C4orf33: variants seen among roughly 807,000 people sequenced by gnomAD.
C4orf33 encodes UPF0462 protein C4orf33.
C4orf33 carries 20 observed loss-of-function variants against 24.3 expected under a neutral mutation model. The observed-to-expected ratio is 0.82, with a 90% CI of 0.58 to 1.19. C4orf33 has a LOEUF of 1.19. Among genes scored for constraint, C4orf33 ranks in the 50% most tolerant of loss-of-function variants. C4orf33 has a pLI of 0.00. For synonymous variants in C4orf33, 67 were observed against 76.4 expected (o/e 0.88, Z 0.64); for missense variants, 207 against 225.9 (o/e 0.92, Z 0.54).
At chr4:129,101,872 A>G (rs1753361497) in intron 1 of C4orf33, among the ~76,000 whole-genome samples, 2 of 152,170 alleles carry the variant, frequency 1.3e-5, no homozygotes, top group Non-Finnish European at 2.9e-5. Flanking sequence ...GTAATTAACC[A>G]AGCAAGCAGT....
chr4:129,116,357 GGGTGTTC>G lies in C4orf33; in HGVS notation c.*4567_*4573del, dbSNP rs892295699. 1 of 152,090 alleles carries G rather than the reference GGGTGTTC, an allele frequency of 6.6e-6. No individual in the cohort carries two copies. The highest frequency in any genetic ancestry group is 1.5e-5 in the Non-Finnish European group (1 of 68,012). 9.4% of individuals were successfully genotyped at this position (152,090 alleles called of 1,614,324 possible). ...CATCACTGGCTCCTGAGAGAGCTTT[GGGTGTTC>G]TGTAAATTTTTTACTTTGCACTCTT... On this transcript the variant is annotated 3_prime_UTR_variant, in exon 6 of 6. Coordinates refer to ENST00000425929, the MANE Select transcript of C4orf33 (RefSeq NM_001099783.2).
chr4:129,109,511 G>A lies in C4orf33; in HGVS notation c.333G>A (p.Glu111=). 1 of 1,613,860 alleles carries A rather than the reference G, an allele frequency of 6.2e-7. No homozygotes were observed. Among genetic ancestry groups the A allele is most frequent in the Non-Finnish European group, 8.5e-7 (1 of 1,179,786 alleles). Residue 111 remains glutamate (E), a synonymous_variant, in exon 5 of 6, where the codon GAG becomes GAA. Transcript: ENST00000425929. ...TATCGTTCAGAATGTCCAGAGGAGA[G>A]ACAAAATGGGAAGGCAAAGCTTATC... ...LPLSFRMSRG[E]TKWEGKAYLP... is the part of the protein sequence containing the mutation.
rs771592352 is a variant in C4orf33, at chr4:129,106,639, A to G, written c.234A>G (p.Glu78=). Reference sequence around the variant, plus strand: ...TAACTGAGCAATATTTAGAAGTTGAACTTTGTCCGTAAGTATAAAATGTTT... The same window carrying G: ...TAACTGAGCAATATTTAGAAGTTGAGCTTTGTCCGTAAGTATAAAATGTTT... The part of the protein sequence containing the change: ...NDITEQYLEV[E]LCPHGQHLVL... The change falls in exon 3 of 6, where the codon GAA becomes GAG. Residue 78 remains glutamate (E), a synonymous_variant. Coordinates refer to ENST00000425929, the MANE Select transcript of C4orf33 (RefSeq NM_001099783.2). 8 of 1,525,532 alleles carry G rather than the reference A, an allele frequency of 5.2e-6. No homozygotes were observed. The South Asian group carries it at 8.5e-5, about 16-fold the overall frequency. 94.5% of individuals were successfully genotyped at this position (1,525,532 alleles called of 1,614,324 possible).
At chr4:129,093,891 T>C (rs1753079459), upstream of C4orf33, 1 of 152,238 alleles carries the variant, frequency 6.6e-6, no homozygotes, top group Admixed American at 6.5e-5. Context: ...GTTACTAATA[T>C]ACTAAGCCTT....
chr4:129,095,155 G>A (rs1017012949), upstream of C4orf33, among the ~76,000 whole-genome samples: 7 of 152,098 alleles, frequency 4.6e-5, no homozygotes, highest in Admixed American at 3.9e-4. Context: ...GATTTTAGTA[G>A]TTGAATTTTA....
At chr4:129,109,860 T>G in intron 5 of C4orf33, 188 bp downstream of exon 5, 1 of 957,756 alleles carries the variant, frequency 1.0e-6, no homozygotes, top group Non-Finnish European at 1.5e-6. Context: ...ATAATCTCTC[T>G]CACTACTGTC....
intron 1 of C4orf33, among the ~76,000 whole-genome samples, chr4:129,101,586 G>C (rs1753352897): frequency 6.6e-6 from 1 of 152,068 alleles, no homozygotes; most frequent in Non-Finnish European, 1.5e-5. Context: ...AGATATGCTA[G>C]TCACGTGACC....
chr4:129,114,846 C>G lies in C4orf33; in HGVS notation c.*3055C>G, dbSNP rs1374111418. ...CTAGAGTTATAACTATTAATGGAAG[C>G]AGTATAGAGTATGTCCTTCCTAGGG... On this transcript the variant is annotated 3_prime_UTR_variant, in exon 6 of 6. Coordinates refer to ENST00000425929, the MANE Select transcript of C4orf33 (RefSeq NM_001099783.2). 6.6e-6 allele frequency: 1 copy of G among 152,160 alleles called. No individual in the cohort carries two copies. The highest frequency in any genetic ancestry group is 1.5e-5 in the Non-Finnish European group (1 of 68,048). 9.4% of individuals were successfully genotyped at this position (152,160 alleles called of 1,614,324 possible). A position where few individuals can be genotyped will look rare whatever the true frequency, so the allele number is the denominator to read the frequency against.
At position 129,116,544 on chromosome 4, in the gene C4orf33, T is replaced by C. The variant is rs1413671412; in HGVS notation, c.*4753T>C. ...CTAAAGCACTGCAGTACCTAGAGTA[T>C]ATATTTTGAAGAGATAGCTTTGCTG... On this transcript the variant is annotated 3_prime_UTR_variant, in exon 6 of 6. Transcript: ENST00000425929. 6.6e-6 allele frequency: 1 copy of C among 152,220 alleles called. No homozygotes were observed. The highest frequency in any genetic ancestry group is 1.5e-5 in the Non-Finnish European group (1 of 68,028). The allele number at this position is 152,220 out of a possible 1,614,324, so 9.4% of individuals were successfully genotyped here.
At chr4:129,099,934 AAAAC>A (rs1348003703) in intron 1 of C4orf33, among the ~76,000 whole-genome samples, 1 of 152,212 alleles carries the variant, frequency 6.6e-6, no homozygotes, top group Non-Finnish European at 1.5e-5. Context: ...TTTAAAAAAA[AAAAC>A]AAATTTGTCA....
At chr4:129,107,665 A>G (rs920162023) in intron 3 of C4orf33, among the ~76,000 whole-genome samples, 5 of 152,028 alleles carry the variant, frequency 3.3e-5, no homozygotes, top group African/African-American at 9.7e-5. Flanking sequence ...AAAATTTGTT[A>G]TTGAAAAATA....
Position 129,103,489 on chromosome 4 carries a change from C to T in C4orf33, c.181+698C>T, listed in dbSNP as rs565419344. On this transcript the variant is annotated intron_variant, in intron 2 of 5. Coordinates refer to ENST00000425929, the MANE Select transcript of C4orf33 (RefSeq NM_001099783.2). Reference sequence around the variant, plus strand: ...GAGTGTTTTACTTATTGTAGAAACACTATCAACCTCAATACGAAATGTAGT... The same window carrying T: ...GAGTGTTTTACTTATTGTAGAAACATTATCAACCTCAATACGAAATGTAGT... 2.6e-5 allele frequency among the ~76,000 whole-genome samples: 4 copies of T among 152,288 alleles called. No homozygotes were observed. The East Asian group carries it at 7.7e-4, about 29-fold the overall frequency.
chr4:129,111,674 CT>C lies in C4orf33; in HGVS notation c.495-9del, dbSNP rs1753693346. On this transcript the variant is annotated splice_polypyrimidine_tract_variant and intron_variant, in intron 5 of 5. Coordinates refer to ENST00000425929, the MANE Select transcript of C4orf33 (RefSeq NM_001099783.2). ...TCATTTCAATTCCCACCTTCTTTTT[CT>C]TTGCTTTTAGCCATTGCCTAGAATA... 5.3e-6 allele frequency: 8 copies of C among 1,521,168 alleles called. No homozygotes were observed. The highest frequency in any genetic ancestry group is 7.3e-6 in the Non-Finnish European group (8 of 1,103,326). 94.2% of individuals were successfully genotyped at this position (1,521,168 alleles called of 1,614,324 possible). A position where few individuals can be genotyped will look rare whatever the true frequency, so the allele number is the denominator to read the frequency against.
rs1345244155 is a variant in C4orf33 at position 129,115,822 on chromosome 4, ATATATAT to A, written c.*4032_*4038del. 8 of 92,668 alleles carry A rather than the reference ATATATAT, an allele frequency of 8.6e-5. No individual in the cohort carries two copies. The highest frequency in any genetic ancestry group is 3.6e-4 in the South Asian group (1 of 2,772). The allele number at this position is 92,668 out of a possible 1,614,324, so 5.7% of individuals were successfully genotyped here. A position where few individuals can be genotyped will look rare whatever the true frequency, so the allele number is the denominator to read the frequency against. ...ACTAAATATATATATATATATATAT[ATATATAT>A]AAAATATATATGTTTATATATAACA... On this transcript the variant is annotated 3_prime_UTR_variant, in exon 6 of 6. Transcript: ENST00000425929.
At position 129,111,812 on chromosome 4, in the gene C4orf33, G is replaced by A. The variant is rs1292040497; in HGVS notation, c.*21G>A. On this transcript the variant is annotated 3_prime_UTR_variant, in exon 6 of 6. Coordinates refer to ENST00000425929, the MANE Select transcript of C4orf33 (RefSeq NM_001099783.2). Reference sequence around the variant, plus strand: ...TATAGGAGTAATAGATAACCATACCGATCATTTTTTCCTCTATACCTTTTA... The same window carrying A: ...TATAGGAGTAATAGATAACCATACCAATCATTTTTTCCTCTATACCTTTTA... 1.6e-5 allele frequency: 23 copies of A among 1,406,958 alleles called. No individual in the cohort carries two copies. Among genetic ancestry groups the A allele is most frequent in the Middle Eastern group, 1.8e-4 (1 of 5,626 alleles). 87.2% of individuals were successfully genotyped at this position (1,406,958 alleles called of 1,614,324 possible).
chr4:129,101,311 T>C (rs1221461194), intron 1 of C4orf33, among the ~76,000 whole-genome samples: 1 of 152,202 alleles, frequency 6.6e-6, no homozygotes, highest in African/African-American at 2.4e-5. Context: ...TGAATTAAAT[T>C]TATTCCAAAT....
Position 129,106,656 on chromosome 4 carries a change from A to T in C4orf33, c.242+9A>T, listed in dbSNP as rs1490690737. The T allele has an allele frequency of 2.1e-6, 3 of 1,434,570 alleles. No homozygotes were observed. The African/African-American group carries it at 4.3e-5, about 21-fold the overall frequency. The allele number at this position is 1,434,570 out of a possible 1,614,324, so 88.9% of individuals were successfully genotyped here. A position where few individuals can be genotyped will look rare whatever the true frequency, so the allele number is the denominator to read the frequency against. Reference sequence around the variant, plus strand: ...GAAGTTGAACTTTGTCCGTAAGTATAAAATGTTTTTTCTTACTTATTACTA... The same window carrying T: ...GAAGTTGAACTTTGTCCGTAAGTATTAAATGTTTTTTCTTACTTATTACTA... On this transcript the variant is annotated intron_variant, in intron 3 of 5. Transcript: ENST00000425929.
At chr4:129,110,736 A>G (rs1023120684) in intron 5 of C4orf33, among the ~76,000 whole-genome samples, 1 of 151,808 alleles carries the variant, frequency 6.6e-6, no homozygotes, top group Admixed American at 6.6e-5. Flanking sequence ...CACTTCTAGC[A>G]TATTTCTTTA....
In C4orf33 at chr4:129,113,566, T is replaced by TGATTTGAATTGTTCACTGC. The variant is rs1438679755; in HGVS notation, c.*1776_*1794dup. 6.9e-6 allele frequency: 1 copy of TGATTTGAATTGTTCACTGC among 145,220 alleles called. No homozygotes were observed. Among genetic ancestry groups the TGATTTGAATTGTTCACTGC allele is most frequent in the Non-Finnish European group, 1.5e-5 (1 of 65,848 alleles). The allele number at this position is 145,220 out of a possible 1,614,324, so 9.0% of individuals were successfully genotyped here. ...TATGCATAAATGCATTTCTTTGCTG[T>TGATTTGAATTGTTCACTGC]GATTTGAATTGTTCACTGCAGTGTC... On this transcript the variant is annotated 3_prime_UTR_variant, in exon 6 of 6. Coordinates refer to ENST00000425929, the MANE Select transcript of C4orf33 (RefSeq NM_001099783.2).
Sources: allele counts gnomAD v4.1 joint callset (sites outside exome capture counted in the v4.1 genomes callset), GRCh38; gene constraint gnomAD v4.1.1; transcripts MANE v1.5; gene names NCBI Gene and HGNC (gene_info 2026-07-23, HGNC 2026-07-21).